Variants in AGBL4 observed in about 807,000 individuals in gnomAD.
The protein encoded by AGBL4 is cytosolic carboxypeptidase 6.
AGBL4 carries 58 observed loss-of-function variants against 66.4 expected under a neutral mutation model. The ratio of observed to expected loss-of-function variants is 0.87; its 90% confidence interval spans 0.71 to 1.09. The LOEUF (loss-of-function observed/expected upper bound fraction) is 1.09. Ranked by LOEUF, AGBL4 falls within the 50% of genes least tolerant of loss-of-function variation. AGBL4 has a pLI of 0.00. For synonymous variants in AGBL4, 234 were observed against 222.9 expected (o/e 1.05, Z -0.44); for missense variants, 579 against 631.0 (o/e 0.92, Z 0.88).
chr1:48,541,965 A>G (rs1248363607), intron 11 of AGBL4, among the ~76,000 whole-genome samples: 1 of 151,922 alleles, frequency 6.6e-6, no homozygotes, highest in Non-Finnish European at 1.5e-5. Context: ...TACATTAGGT[A>G]TTTCTCCTAA....
In AGBL4 at chr1:49,809,518, C is replaced by T. The variant is rs182800337; in HGVS notation, c.157+41878G>A. 1.8e-4 allele frequency among the ~76,000 whole-genome samples: 28 copies of T among 152,210 alleles called. No homozygotes were observed. The East Asian group carries it at 5.2e-3, about 28-fold the overall frequency. ...AAACCAAAGTATAAAAGGAGCATTGCAACATATTTTCTAACACCTAACTGC... is the reference window on the plus strand; with the variant it reads ...AAACCAAAGTATAAAAGGAGCATTGTAACATATTTTCTAACACCTAACTGC... On this transcript the variant is annotated intron_variant, in intron 2 of 13. Transcript: ENST00000371839.
chr1:49,660,725 G>T (rs1220100513), intron 3 of AGBL4, among the ~76,000 whole-genome samples: 1 of 152,134 alleles, frequency 6.6e-6, no homozygotes, highest in South Asian at 2.1e-4. Context: ...TGATAGATTG[G>T]ATAAAGAAAA....
chr1:49,969,115 A>G (rs1657825468), intron 1 of AGBL4, among the ~76,000 whole-genome samples: 1 of 152,226 alleles, frequency 6.6e-6, no homozygotes, highest in Non-Finnish European at 1.5e-5. Context: ...CAGAGCACAC[A>G]TACATTAAAC....
chr1:49,837,923 G>A (rs2148032818), intron 2 of AGBL4, among the ~76,000 whole-genome samples: 1 of 152,326 alleles, frequency 6.6e-6, no homozygotes, highest in East Asian at 1.9e-4. Context: ...GCTATTGGAA[G>A]CAGAAGGTGG....
intron 3 of AGBL4, among the ~76,000 whole-genome samples, chr1:49,520,905 T>C (rs1167313): frequency 0.048 from 7,282 of 150,526 alleles, 546 homozygotes; most frequent in African/African-American, 0.16. Context: ...GTCTCCTGAG[T>C]TCAAGCAATT....
chr1:48,667,140 C>T (rs192088320), intron 6 of AGBL4, among the ~76,000 whole-genome samples: 11 of 152,280 alleles, frequency 7.2e-5, no homozygotes, highest in East Asian at 3.9e-4. Context: ...TGTTCATTTC[C>T]GCCTTTCAAG....
At chr1:49,809,507 A>T (rs1482772492) in intron 2 of AGBL4, among the ~76,000 whole-genome samples, 1 of 152,126 alleles carries the variant, frequency 6.6e-6, no homozygotes, top group African/African-American at 2.4e-5. Context: ...CAAAGTATAA[A>T]AGGAGCATTG....
chr1:49,535,022 T>TC (rs1651457708), intron 3 of AGBL4, among the ~76,000 whole-genome samples: 1 of 152,138 alleles, frequency 6.6e-6, no homozygotes, highest in Non-Finnish European at 1.5e-5. Context: ...ACTCCTTCCT[T>TC]CCCCTTGAAA....
chr1:49,195,333 G>A (rs77953320), intron 4 of AGBL4, among the ~76,000 whole-genome samples: 1 of 152,236 alleles, frequency 6.6e-6, no homozygotes, highest in East Asian at 1.9e-4. Flanking sequence ...AGCATTTCTT[G>A]TAGGACTGGT....
intron 6 of AGBL4, among the ~76,000 whole-genome samples, chr1:48,704,754 A>G (rs1004553319): frequency 2.0e-5 from 3 of 152,100 alleles, no homozygotes; most frequent in African/African-American, 7.2e-5. Context: ...CTTCTGGAAT[A>G]CCTCCTGAAG....
intron 3 of AGBL4, among the ~76,000 whole-genome samples, chr1:49,361,652 A>C (rs1036295010): frequency 1.3e-5 from 2 of 152,190 alleles, no homozygotes; most frequent in Admixed American, 6.5e-5. Flanking sequence ...TACTTTTTAG[A>C]TTATAAAGCA....
At chr1:49,295,718 A>G (rs558272184) in intron 3 of AGBL4, among the ~76,000 whole-genome samples, 4 of 152,296 alleles carry the variant, frequency 2.6e-5, no homozygotes, top group Middle Eastern at 3.4e-3. Context: ...TGACTCTCCA[A>G]TGGAAAATGC....
intron 4 of AGBL4, among the ~76,000 whole-genome samples, chr1:49,080,881 C>T (rs559399855): frequency 3.3e-5 from 5 of 152,044 alleles, no homozygotes; most frequent in Non-Finnish European, 7.4e-5. Flanking sequence ...CTGAAAATTC[C>T]TTTTTGGTAT....
chr1:48,644,513 T>C (rs539650021), intron 8 of AGBL4, among the ~76,000 whole-genome samples: 12 of 152,142 alleles, frequency 7.9e-5, no homozygotes, highest in African/African-American at 2.4e-4. Context: ...AAGTATGCGC[T>C]TGGGGATGGG....
intron 5 of AGBL4, among the ~76,000 whole-genome samples, chr1:49,040,732 C>T (rs573440260): frequency 6.6e-6 from 1 of 152,070 alleles, no homozygotes; most frequent in African/African-American, 2.4e-5. Context: ...TCAGAAATGG[C>T]AAATTTATGG....
At chr1:48,526,420 G>A in the AGBL4 span, among the ~76,000 whole-genome samples, 1 of 152,174 alleles carries the variant, frequency 6.6e-6, no homozygotes, top group Admixed American at 6.5e-5. Flanking sequence ...GGGGTGTTGT[G>A]AGGATTGCAT....
At chr1:49,257,620 C>A (rs1652655383) in intron 3 of AGBL4, 1 of 153,100 alleles carries the variant, frequency 6.5e-6, no homozygotes, top group Non-Finnish European at 1.5e-5. Flanking sequence ...CTTGCACGTC[C>A]CGAGTGAGGC....
intron 9 of AGBL4, among the ~76,000 whole-genome samples, chr1:48,609,167 G>C (rs1210930626): frequency 6.6e-6 from 1 of 152,090 alleles, no homozygotes. Flanking sequence ...CATGCTGAGA[G>C]AGCCTCTAAT....
intron 3 of AGBL4, among the ~76,000 whole-genome samples, chr1:49,431,376 T>C (rs887415080): frequency 2.6e-5 from 4 of 152,206 alleles, no homozygotes; most frequent in African/African-American, 9.6e-5. Flanking sequence ...TTTGATTAGA[T>C]GAAATCAAAT....
Sources: allele counts gnomAD v4.1 joint callset (sites outside exome capture counted in the v4.1 genomes callset), GRCh38; gene constraint gnomAD v4.1.1; transcripts MANE v1.5; gene names NCBI Gene and HGNC (gene_info 2026-07-23, HGNC 2026-07-21).